Variants in ADAM21 observed in about 807,000 individuals in gnomAD.
ADAM21 encodes disintegrin and metalloproteinase domain-containing protein 21.
For synonymous variants in ADAM21, 262 were observed against 306.0 expected, an observed-to-expected ratio of 0.86 and a Z score of 1.50; for missense variants, 678 against 874.4, an observed-to-expected ratio of 0.78 and a Z score of 2.83.
chr14:70,458,864 C>A lies in ADAM21; in HGVS notation c.1365C>A (p.Cys455Ter). 2.5e-6 allele frequency: 4 copies of A among 1,614,170 alleles called. No individual in the cohort carries two copies. Among genetic ancestry groups the A allele is most frequent in the Non-Finnish European group, 3.4e-6 (4 of 1,180,034 alleles). The change falls in exon 2 of 2, where the codon TGC (cysteine) becomes TGA (stop). Residue 455 changes from cysteine to a stop codon, truncating the protein, a stop_gained. Transcript: ENST00000603540. LOFTEE classifies it low-confidence loss of function (END_TRUNC). The stretch of plus-strand genomic sequence containing the variant: ...CTTTTGGGCTTTGTTGCAAAGACTG[C>A]AAGTTCATGCCATCAGGGGAACTCT... ...ACAFGLCCKDCKFMPSGELCR... is the reference protein window; with the variant it reads ...ACAFGLCCKD
In ADAM21 at chr14:70,457,852, C is replaced by A; in HGVS notation, c.353C>A (p.Ala118Asp). The change falls in exon 2 of 2, where the codon GCC (alanine) becomes GAC (aspartate). Residue 118 changes from alanine to aspartate, a missense_variant. Ala to Asp is a moderately radical substitution (Grantham distance 126, BLOSUM62 -2). Transcript: ENST00000603540. ...TACTATCATGGTTACGTGGAGGCAG[C>A]CCCTGAGTCTCTGGTTGTGTTCAGT... ...DCYYHGYVEA[A>D]PESLVVFSAC... 1.2e-6 allele frequency: 2 copies of A among 1,613,626 alleles called. No homozygotes were observed. Among genetic ancestry groups the A allele is most frequent in the South Asian group, 1.1e-5 (1 of 91,022 alleles).
Position 70,458,931 on chromosome 14 carries a change from A to G in ADAM21, c.1432A>G (p.Asn478Asp). The change falls in exon 2 of 2, where the codon AAT becomes GAT. Residue 478 changes from asparagine (N) to aspartate (D), a missense_variant. Asn to Asp is a conservative substitution (Grantham distance 23). Transcript: ENST00000603540. ...TGAATGTGACCTTCCAGAATGGTGC[A>G]ATGGAACATCTCATCAGTGTCCAGA... ...VNECDLPEWC[N>D]GTSHQCPEDR... 6.2e-7 allele frequency: 1 copy of G among 1,614,168 alleles called. No individual in the cohort carries two copies. The highest frequency in any genetic ancestry group is 8.5e-7 in the Non-Finnish European group (1 of 1,180,032).
intron 1 of ADAM21, among the ~76,000 whole-genome samples, chr14:70,454,538 A>C (rs1425479505): frequency 6.6e-6 from 1 of 152,152 alleles, no homozygotes; most frequent in Non-Finnish European, 1.5e-5. Context: ...ATGAAAGAAA[A>C]GTATTTGGGT....
At position 70,457,983 on chromosome 14, in the gene ADAM21, A is replaced by C; in HGVS notation, c.484A>C (p.Asn162His). The C allele has an allele frequency of 6.2e-7, 1 of 1,605,668 alleles. No individual in the cohort carries two copies. The highest frequency in any genetic ancestry group is 8.5e-7 in the Non-Finnish European group (1 of 1,174,726). The change falls in exon 2 of 2, where the codon AAC (asparagine) becomes CAC (histidine). Residue 162 changes from asparagine to histidine, a missense_variant. Transcript: ENST00000603540. ...ATTTGAACACCTGGTTTATAAGATA[A>C]ACAGTAATGAGACACAATTCCCAGC... The part of the protein sequence containing the change: ...ATFEHLVYKI[N>H]SNETQFPAMR...
Position 70,459,663 on chromosome 14 carries a change from G to A in ADAM21, c.2164G>A (p.Gly722Ser). 1 of 1,613,152 alleles carries A rather than the reference G, an allele frequency of 6.2e-7. No individual in the cohort carries two copies. The highest frequency in any genetic ancestry group is 8.5e-7 in the Non-Finnish European group (1 of 1,179,436). ...CAAAGAAACTAAGGCTCATTCATCA[G>A]GTTAAGAAAATGTCTCTAACTTAAT... ...GPKETKAHSS[G>S] The change falls in exon 2 of 2, where the codon GGT becomes AGT. Residue 722 changes from glycine (G) to serine (S), a missense_variant. Coordinates refer to ENST00000603540, the MANE Select transcript of ADAM21 (RefSeq NM_003813.4).
rs148206322 is a variant in ADAM21 at position 70,458,052 on chromosome 14, T to C, written c.553T>C (p.Leu185=). The part of the protein sequence containing the change: ...LTEKEVARQQ[L]EFEEAENSAL... ...AGAGAAGGAAGTAGCACGCCAACAG[T>C]TGGAATTTGAAGAGGCTGAGAACTC... Residue 185 remains leucine (L), a synonymous_variant, in exon 2 of 2, where the codon TTG becomes CTG. Coordinates refer to ENST00000603540, the MANE Select transcript of ADAM21 (RefSeq NM_003813.4). 8.0e-5 allele frequency: 129 copies of C among 1,614,010 alleles called. No individual in the cohort carries two copies. Among genetic ancestry groups the C allele is most frequent in the Non-Finnish European group, 1.0e-4 (120 of 1,180,008 alleles).
chr14:70,458,330 C>A lies in ADAM21; in HGVS notation c.831C>A (p.Asn277Lys), dbSNP rs371868534. The change falls in exon 2 of 2, where the codon AAC becomes AAA. Residue 277 changes from asparagine (N) to lysine (K), a missense_variant. Transcript: ENST00000603540. ...FPMTSIEQVL[N>K]DFSQWKQISL... ...TGACAAGCATAGAACAGGTCCTGAA[C>A]GATTTCTCTCAATGGAAACAAATCA... 4.0e-5 allele frequency: 65 copies of A among 1,613,984 alleles called. No homozygotes were observed. Among genetic ancestry groups the A allele is most frequent in the Non-Finnish European group, 5.3e-5 (63 of 1,180,042 alleles).
In ADAM21 at chr14:70,459,613, T is replaced by G. The variant is rs146223086; in HGVS notation, c.2114T>G (p.Met705Arg). The G allele has an allele frequency of 1.9e-6, 3 of 1,614,214 alleles. No individual in the cohort carries two copies. Among genetic ancestry groups the G allele is most frequent in the Non-Finnish European group, 2.5e-6 (3 of 1,180,028 alleles). ...LTFLFTVGLL[M>R]YLRQCSGPKE... ...TTCCTGTTTACTGTCGGGCTTCTTA[T>G]GTATCTACGACAATGTTCTGGTCCC... is the stretch of plus-strand genomic sequence containing the variant. Residue 705 changes from methionine (M) to arginine (R), a missense_variant, in exon 2 of 2, where the codon ATG (methionine) becomes AGG (arginine). Met to Arg is a moderately conservative substitution (Grantham distance 91). Transcript: ENST00000603540.
In ADAM21 at chr14:70,458,358, C is replaced by T; in HGVS notation, c.859C>T (p.Leu287Phe). The T allele has an allele frequency of 6.2e-7, 1 of 1,614,182 alleles. No homozygotes were observed. Among genetic ancestry groups the T allele is most frequent in the Non-Finnish European group, 8.5e-7 (1 of 1,180,032 alleles). ...NDFSQWKQIS[L>F]SQLQHDAAHM... is the part of the protein sequence containing the mutation. ...TTTCTCTCAATGGAAACAAATCAGT[C>T]TTTCCCAGCTACAGCATGATGCTGC... The change falls in exon 2 of 2, where the codon CTT becomes TTT. Residue 287 changes from leucine to phenylalanine, a missense_variant. Transcript: ENST00000603540.
intron 1 of ADAM21, among the ~76,000 whole-genome samples, chr14:70,456,128 G>T (rs529188908): frequency 7.2e-5 from 11 of 151,928 alleles, no homozygotes; most frequent in Admixed American, 3.9e-4. Flanking sequence ...TGAAATATAT[G>T]GATACTCTCC....
In ADAM21 at chr14:70,455,613, C is replaced by A. The variant is rs190398738; in HGVS notation, c.-151-1736C>A. 3.9e-5 allele frequency among the ~76,000 whole-genome samples: 6 copies of A among 152,226 alleles called. No homozygotes were observed. The East Asian group carries it at 9.6e-4, about 24-fold the overall frequency. On this transcript the variant is annotated intron_variant, in intron 1 of 1. Coordinates refer to ENST00000603540, the MANE Select transcript of ADAM21 (RefSeq NM_003813.4). The stretch of plus-strand genomic sequence containing the variant: ...ACTTCCTAACTCACTTTTATGATAC[C>A]TTTTCCCTATAGTTTTTAAATTGCT...
At chr14:70,456,566 C>T (rs1228862452) in intron 1 of ADAM21, among the ~76,000 whole-genome samples, 4 of 152,132 alleles carry the variant, frequency 2.6e-5, no homozygotes, top group African/African-American at 4.8e-5. Context: ...GAAAGCATTT[C>T]GTTTTGTCTT....
At position 70,457,484 on chromosome 14, in the gene ADAM21, T is replaced by A. The variant is rs543497736; in HGVS notation, c.-16T>A. ...CTTCTGCTCTGGACAGATGGCTCCA[T>A]AACGACAGCTTCATAATGGCAGTGG... On this transcript the variant is annotated 5_prime_UTR_variant, in exon 2 of 2. An upstream open reading frame in the 5' UTR loses its in-frame stop. Transcript: ENST00000603540. 11 of 1,607,152 alleles carry A rather than the reference T, an allele frequency of 6.8e-6. No individual in the cohort carries two copies. Among genetic ancestry groups the A allele is most frequent in the African/African-American group, 6.7e-5 (5 of 74,578 alleles).
Position 70,459,421 on chromosome 14 carries a change from T to C in ADAM21, c.1922T>C (p.Met641Thr). 1 of 1,614,254 alleles carries C rather than the reference T, an allele frequency of 6.2e-7. No homozygotes were observed. The highest frequency in any genetic ancestry group is 8.5e-7 in the Non-Finnish European group (1 of 1,180,038). ...SHVCLPETCN[M>T]KGICNNKHHC... Reference sequence around the variant, plus strand: ...GTCTGCCTTCCTGAGACCTGCAATATGAAGGGGATCTGCAATAACAAACAT... The same window carrying C: ...GTCTGCCTTCCTGAGACCTGCAATACGAAGGGGATCTGCAATAACAAACAT... The change falls in exon 2 of 2, where the codon ATG becomes ACG. Residue 641 changes from methionine to threonine, a missense_variant. Met to Thr is a moderately conservative substitution (Grantham distance 81). Transcript: ENST00000603540.
Position 70,457,540 on chromosome 14 carries a change from T to C in ADAM21, c.41T>C (p.Leu14Pro). The C allele has an allele frequency of 6.2e-7, 1 of 1,605,438 alleles. No homozygotes were observed. Among genetic ancestry groups the C allele is most frequent in the Non-Finnish European group, 8.5e-7 (1 of 1,176,732 alleles). ...DGTLVYIRVT[L>P]LLLWLGVFLS... ...ACCCTCGTGTACATCAGAGTCACTC[T>C]TCTGCTGCTCTGGCTTGGGGTATTT... Residue 14 changes from leucine (L) to proline (P), a missense_variant, in exon 2 of 2, where the codon CTT becomes CCT. Leu to Pro is a moderately conservative substitution (Grantham distance 98). Transcript: ENST00000603540.
intron 1 of ADAM21, among the ~76,000 whole-genome samples, chr14:70,456,874 G>A (rs564202288): frequency 2.6e-4 from 40 of 152,224 alleles, no homozygotes; most frequent in Admixed American, 7.8e-4. Flanking sequence ...ATACAATGAG[G>A]AATAGTAAAT....
intron 1 of ADAM21, among the ~76,000 whole-genome samples, chr14:70,452,636 T>A (rs1892283): frequency 1.3e-5 from 2 of 152,160 alleles, no homozygotes; most frequent in Non-Finnish European, 2.9e-5. Context: ...AAAGTGCTGG[T>A]ATTACAGGCG....
At chr14:70,453,580 CA>C (rs1333546002) in intron 1 of ADAM21, 2 of 152,162 alleles carry the variant, frequency 1.3e-5, no homozygotes, top group African/African-American at 4.8e-5. Context: ...TGCCTGCTCT[CA>C]TGCTGAGCTC....
In ADAM21 at chr14:70,457,340, T is replaced by C; in HGVS notation, c.-151-9T>C. 9.4e-7 allele frequency: 1 copy of C among 1,058,320 alleles called. No homozygotes were observed. The highest frequency in any genetic ancestry group is 1.7e-5 in the South Asian group (1 of 58,238). The allele number at this position is 1,058,320 out of a possible 1,614,324, so 65.6% of individuals were successfully genotyped here. On this transcript the variant is annotated splice_polypyrimidine_tract_variant and intron_variant, in intron 1 of 1. Coordinates refer to ENST00000603540, the MANE Select transcript of ADAM21 (RefSeq NM_003813.4). ...CCTTTCCAACCCATCTTTTTATTTT[T>C]ACTTCCAGCACTGCAGTTCTGATCT...
Sources: allele counts gnomAD v4.1 joint callset (sites outside exome capture counted in the v4.1 genomes callset), GRCh38; gene constraint gnomAD v4.1.1; transcripts MANE v1.5; gene names NCBI Gene and HGNC (gene_info 2026-07-23, HGNC 2026-07-21).